Variants in PCYT1A observed in about 807,000 individuals in gnomAD.
PCYT1A encodes phosphate cytidylyltransferase 1A, choline, also known as choline-phosphate cytidylyltransferase A.
In PCYT1A, 25 loss-of-function variants were observed where a neutral mutation model predicts 43.7. The observed-to-expected ratio is 0.57, with a 90% CI of 0.42 to 0.80. The LOEUF (loss-of-function observed/expected upper bound fraction) is 0.80, where lower values mean the gene tolerates loss of function less well. PCYT1A is among the 30% of genes least tolerant of loss of function. The probability of loss-of-function intolerance (pLI) is 0.00; values close to 1 mark genes in which losing one functional copy is unlikely to be tolerated. For missense variants in PCYT1A, 421 were observed against 474.2 expected, an observed-to-expected ratio of 0.89 and a Z score of 1.04; for synonymous variants, 172 against 170.7, an observed-to-expected ratio of 1.01 and a Z score of -0.06.
chr3:196,261,973 C>G (rs1206805982), intron 2 of PCYT1A, among the ~76,000 whole-genome samples: 1 of 152,100 alleles, frequency 6.6e-6, no homozygotes, highest in African/African-American at 2.4e-5. Context: ...GCAGCTATAA[C>G]AAAGCAGCAA....
chr3:196,258,731 G>A lies in PCYT1A; in HGVS notation c.118-844C>T, dbSNP rs533092031. On this transcript the variant is annotated intron_variant, in intron 2 of 8. Coordinates refer to ENST00000431016, the MANE Select transcript of PCYT1A (RefSeq NM_001312673.2). The stretch of plus-strand genomic sequence containing the variant: ...GCCTCCCGAGTAGCTGGGACTACAG[G>A]CATACACTACCCGACACCCAGCTGA... 1.7e-3 allele frequency among the ~76,000 whole-genome samples: 256 copies of A among 152,072 alleles called. 3 individuals are homozygous for A. The highest frequency in any genetic ancestry group is 5.9e-3 in the African/African-American group (244 of 41,470).
At chr3:196,278,319 G>A (rs1442692011) in intron 1 of PCYT1A, among the ~76,000 whole-genome samples, 1 of 152,142 alleles carries the variant, frequency 6.6e-6, no homozygotes, top group East Asian at 1.9e-4. Context: ...TGATAAGTGC[G>A]CCTCTGTCAT....
intron 1 of PCYT1A, among the ~76,000 whole-genome samples, chr3:196,272,685 TCA>T (rs1171738969): frequency 6.6e-6 from 1 of 152,204 alleles, no homozygotes; most frequent in African/African-American, 2.4e-5. Context: ...TCAAGCTTGT[TCA>T]CAGTTTCCAG....
At chr3:196,246,294 T>C (rs1455200230) in intron 5 of PCYT1A, among the ~76,000 whole-genome samples, 1 of 152,236 alleles carries the variant, frequency 6.6e-6, no homozygotes, top group Non-Finnish European at 1.5e-5. Context: ...CGCGCCCCTG[T>C]AGAGAACTGA....
At position 196,277,836 on chromosome 3, in the gene PCYT1A, G is replaced by A. The variant is rs1225355281; in HGVS notation, c.-10-7295C>T. Among the ~76,000 whole-genome samples, 1 of 152,208 alleles carries A rather than the reference G, an allele frequency of 6.6e-6. No individual in the cohort carries two copies. The highest frequency in any genetic ancestry group is 1.5e-5 in the Non-Finnish European group (1 of 68,034). On this transcript the variant is annotated intron_variant, in intron 1 of 8. Coordinates refer to ENST00000431016, the MANE Select transcript of PCYT1A (RefSeq NM_001312673.2). The surrounding 1 kb of genome is among the most constrained non-coding windows in gnomAD (Gnocchi z 4.1). The stretch of plus-strand genomic sequence containing the variant: ...CAGTGAGCCTAAATCGCACGCCACT[G>A]CGCTCCAGCCTGGGCGACAGAGCGA...
At position 196,252,332 on chromosome 3, in the gene PCYT1A, C is replaced by T. The variant is rs1724829036; in HGVS notation, c.218-4009G>A. 6.6e-6 allele frequency among the ~76,000 whole-genome samples: 1 copy of T among 152,332 alleles called. No individual in the cohort carries two copies. The highest frequency in any genetic ancestry group is 1.5e-5 in the Non-Finnish European group (1 of 68,036). On this transcript the variant is annotated intron_variant, in intron 3 of 8. Coordinates refer to ENST00000431016, the MANE Select transcript of PCYT1A (RefSeq NM_001312673.2). This position sits in a 1 kb window ranked among gnomAD's most constrained non-coding sequence, Gnocchi z 4.0. ...ACATGATCTAGGCTCACTGCAACCT[C>T]TGCCTCCTGGGTTCAAGTGACTATC...
chr3:196,280,118 A>G (rs1725715476), intron 1 of PCYT1A, among the ~76,000 whole-genome samples: 1 of 152,110 alleles, frequency 6.6e-6, no homozygotes, highest in African/African-American at 2.4e-5. Context: ...GGCGTGAGCC[A>G]CCGCACCCGG....
At chr3:196,246,448 C>G (rs1724573172) in intron 5 of PCYT1A, among the ~76,000 whole-genome samples, 1 of 151,718 alleles carries the variant, frequency 6.6e-6, no homozygotes, top group Non-Finnish European at 1.5e-5. Flanking sequence ...GTTGCCCAGG[C>G]TGGTCTTGAG....
intron 2 of PCYT1A, among the ~76,000 whole-genome samples, chr3:196,266,665 G>A (rs997441179): frequency 1.8e-4 from 28 of 151,956 alleles, no homozygotes; most frequent in African/African-American, 4.8e-4. Flanking sequence ...TGAGGTGGGC[G>A]GATCACTTGA....
chr3:196,240,442 T>C (rs1295033667), intron 7 of PCYT1A, among the ~76,000 whole-genome samples: 3 of 152,150 alleles, frequency 2.0e-5, no homozygotes, highest in Non-Finnish European at 4.4e-5. Context: ...ACCAGCACTT[T>C]GGGAAGCCGA....
intron 1 of PCYT1A, among the ~76,000 whole-genome samples, chr3:196,283,792 A>G (rs1004546035): frequency 6.6e-6 from 1 of 152,202 alleles, no homozygotes; most frequent in Admixed American, 6.6e-5. Context: ...CCAAGCAGAT[A>G]AGCAGGAGGG....
chr3:196,275,534 A>G, intron 1 of PCYT1A, among the ~76,000 whole-genome samples: 1 of 152,084 alleles, frequency 6.6e-6, no homozygotes, highest in Admixed American at 6.6e-5. Flanking sequence ...AGAGATCGAG[A>G]CCATCCTGGC....
At chr3:196,269,149 A>ATTTGTATATTTGTATATTTGTAT in intron 2 of PCYT1A, among the ~76,000 whole-genome samples, 1 of 152,236 alleles carries the variant, frequency 6.6e-6, no homozygotes, top group Non-Finnish European at 1.5e-5. Flanking sequence ...ACTGTAAGAT[A>ATTTGTATATTTGTATATTTGTAT]ATTCATTTGT....
intron 1 of PCYT1A, among the ~76,000 whole-genome samples, chr3:196,283,826 C>A (rs1316676078): frequency 6.6e-6 from 1 of 152,142 alleles, no homozygotes; most frequent in East Asian, 1.9e-4. Flanking sequence ...AAGTGCTGAT[C>A]CCCTCACTCT....
Position 196,282,733 on chromosome 3 carries a change from A to T in PCYT1A, c.-11+4882T>A, listed in dbSNP as rs1296817127. Among the ~76,000 whole-genome samples the T allele has an allele frequency of 1.3e-5, 2 of 152,206 alleles. No homozygotes were observed. The highest frequency in any genetic ancestry group is 2.9e-5 in the Non-Finnish European group (2 of 68,036). On this transcript the variant is annotated intron_variant, in intron 1 of 8. Coordinates refer to ENST00000431016, the MANE Select transcript of PCYT1A (RefSeq NM_001312673.2). The surrounding 1 kb of genome is among the most constrained non-coding windows in gnomAD (Gnocchi z 4.3). ...ACTGCCAAAGGAGTCCATAACACAA[A>T]AAAGATTAAGATTCCTGTTCTACGG...
intron 2 of PCYT1A, among the ~76,000 whole-genome samples, chr3:196,270,030 C>A (rs147159426): frequency 6.6e-6 from 1 of 152,034 alleles, no homozygotes; most frequent in Non-Finnish European, 1.5e-5. Context: ...TGCGCCACCA[C>A]GCCCGGCTAA....
intron 3 of PCYT1A, among the ~76,000 whole-genome samples, chr3:196,249,556 T>A (rs1724683344): frequency 1.3e-5 from 2 of 152,172 alleles, no homozygotes; most frequent in South Asian, 4.1e-4. Context: ...AGGAAATGAT[T>A]TCCCGGGGAA....
intron 2 of PCYT1A, among the ~76,000 whole-genome samples, chr3:196,258,213 G>A (rs1455103798): frequency 1.3e-5 from 2 of 150,830 alleles, no homozygotes; most frequent in Non-Finnish European, 2.9e-5. Context: ...TTGAACCCGG[G>A]AGGCAGAGGT....
Position 196,287,625 on chromosome 3 carries a change from C to A in PCYT1A, c.-21G>T, listed in dbSNP as rs927574585. On this transcript the variant is annotated 5_prime_UTR_variant, in exon 1 of 9. Transcript: ENST00000431016. Reference sequence around the variant, plus strand: ...AAGATAGGCACACACCTGCAACTCACGCTCCCCCGAGCCCGGTCCGGTCGG... The same window carrying A: ...AAGATAGGCACACACCTGCAACTCAAGCTCCCCCGAGCCCGGTCCGGTCGG... 25 of 152,312 alleles carry A rather than the reference C, an allele frequency of 1.6e-4. No homozygotes were observed. Among genetic ancestry groups the A allele is most frequent in the African/African-American group, 5.8e-4 (24 of 41,432 alleles). 9.4% of individuals were successfully genotyped at this position (152,312 alleles called of 1,614,324 possible). A position where few individuals can be genotyped will look rare whatever the true frequency, so the allele number is the denominator to read the frequency against.
Sources: gnomAD v4.1 joint callset for allele counts (sites outside exome capture counted in the v4.1 genomes callset) on GRCh38, gnomAD v4.1.1 for gene constraint, Gnocchi (gnomAD v3.1) non-coding constraint, MANE v1.5 for transcripts, NCBI Gene and HGNC (gene_info 2026-07-23, HGNC 2026-07-21) for gene names.